The following PDZK1 variants were observed in gnomAD, a reference collection of about 807,000 sequenced individuals.
The protein encoded by PDZK1 is PDZ domain containing 1, also known as Na(+)/H(+) exchange regulatory cofactor NHE-RF3.
A neutral mutation model predicts 38.1 loss-of-function variants in PDZK1; 23 were observed. The observed-to-expected ratio is 0.60, with a 90% CI of 0.43 to 0.85. PDZK1 has a LOEUF of 0.85. PDZK1 is among the 40% of genes least tolerant of loss of function. The pLI is 0.00. For synonymous variants in PDZK1, 98 were observed against 186.2 expected (o/e 0.53, Z 3.86); for missense variants, 297 against 504.3 (o/e 0.59, Z 3.94).
intron 3 of PDZK1, among the ~76,000 whole-genome samples, chr1:145,684,012 A>G (rs1333846277): frequency 6.6e-6 from 1 of 150,818 alleles, no homozygotes; most frequent in Non-Finnish European, 1.5e-5. Flanking sequence ...GCGCCTGGCT[A>G]ATTTTTGTAT....
chr1:145,699,905 A>C (rs1559079362), intron 1 of PDZK1, among the ~76,000 whole-genome samples: 1 of 152,184 alleles, frequency 6.6e-6, no homozygotes, highest in Non-Finnish European at 1.5e-5. Flanking sequence ...AATAGGAAGC[A>C]CATGTGGATG....
chr1:145,695,403 A>G (rs1388687448), intron 1 of PDZK1, among the ~76,000 whole-genome samples: 1 of 152,016 alleles, frequency 6.6e-6, no homozygotes, highest in Non-Finnish European at 1.5e-5. Context: ...CCCGGGTGAC[A>G]GAGTGAGACA....
intron 1 of PDZK1, among the ~76,000 whole-genome samples, chr1:145,695,100 G>A (rs1655552003): frequency 6.6e-6 from 1 of 151,814 alleles, no homozygotes; most frequent in Admixed American, 6.6e-5. Context: ...ACACCAATCA[G>A]TGTGGACACC....
intron 1 of PDZK1, among the ~76,000 whole-genome samples, chr1:145,702,297 T>C (rs587683934): frequency 6.6e-6 from 1 of 152,220 alleles, no homozygotes; most frequent in Non-Finnish European, 1.5e-5. Flanking sequence ...CACAGTTTGA[T>C]TGCTTATCTA....
rs370754420 is a variant in PDZK1 at position 145,686,642 on chromosome 1, G to A, written c.295C>T (p.Arg99Trp). 9.2e-5 allele frequency: 146 copies of A among 1,594,578 alleles called. No individual in the cohort carries two copies. The highest frequency in any genetic ancestry group is 6.2e-4 in the Admixed American group (36 of 58,404). ...TGACCCAACTCTTTCAAGTCCACCC[G>A]TGTTTTCACTGCTTTCTCATAGGAA... Reference protein sequence around the residue: ...GDSYEKAVKTRVDLKELGQSQ... With the variant: ...GDSYEKAVKTWVDLKELGQSQ... Residue 99 changes from arginine (R) to tryptophan (W), a missense_variant, in exon 3 of 9, where the codon CGG becomes TGG. Physicochemically the swap from Arg to Trp is moderately radical, Grantham distance 101 (BLOSUM62 -3). This residue lies in a region of PDZK1 where 159 missense variants were observed against 200.0 expected (regional missense o/e 0.79). Coordinates refer to ENST00000417171, the MANE Select transcript of PDZK1 (RefSeq NM_001201325.2).
At chr1:145,684,680 A>G (rs1232672335) in intron 3 of PDZK1, among the ~76,000 whole-genome samples, 2 of 150,572 alleles carry the variant, frequency 1.3e-5, no homozygotes, top group African/African-American at 2.4e-5. Context: ...TCTTACAGCT[A>G]TTTTGAAATG....
At chr1:145,695,875 T>C (rs1384900208) in intron 1 of PDZK1, among the ~76,000 whole-genome samples, 16 of 152,204 alleles carry the variant, frequency 1.1e-4, no homozygotes, top group African/African-American at 3.4e-4. Context: ...GTCTTCAGCC[T>C]TGTTCCCTCA....
At chr1:145,692,455 A>T (rs1407612662) in intron 1 of PDZK1, among the ~76,000 whole-genome samples, 1 of 152,192 alleles carries the variant, frequency 6.6e-6, no homozygotes, top group Non-Finnish European at 1.5e-5. Context: ...TCACGCCTGT[A>T]ATCCCAGCAC....
chr1:145,675,818 A>G (rs1189321766), intron 6 of PDZK1, among the ~76,000 whole-genome samples: 24 of 151,522 alleles, frequency 1.6e-4, no homozygotes, highest in African/African-American at 5.6e-4. Flanking sequence ...GGAGTTCGAG[A>G]CCAGCCTGGC....
At chr1:145,686,432 C>G in intron 3 of PDZK1, 45 bp downstream of exon 3, 1 of 1,520,512 alleles carries the variant, frequency 6.6e-7, no homozygotes, top group Non-Finnish European at 8.8e-7. Context: ...AGCCTGTTGT[C>G]TGTGCCCTGC....
chr1:145,688,492 G>A (rs1366845881), intron 1 of PDZK1, among the ~76,000 whole-genome samples: 7 of 152,106 alleles, frequency 4.6e-5, no homozygotes, highest in Non-Finnish European at 7.4e-5. Flanking sequence ...ATAACCACAC[G>A]TGGTGAGTGT....
At chr1:145,671,529 A>G in intron 8 of PDZK1, 40 bp from the exon 9 acceptor site, 1 of 1,284,220 alleles carries the variant, frequency 7.8e-7, no homozygotes, top group Non-Finnish European at 1.1e-6. Context: ...ATGGTAGAGT[A>G]ATGAAAGAGG....
chr1:145,692,907 G>A (rs587764774), intron 1 of PDZK1, among the ~76,000 whole-genome samples: 7 of 151,856 alleles, frequency 4.6e-5, no homozygotes, highest in East Asian at 1.9e-4. Flanking sequence ...GTGTGGTGGC[G>A]GCGTGAGGCA....
intron 8 of PDZK1, chr1:145,671,711 G>C (rs2799117): frequency 1.1e-5 from 6 of 540,838 alleles, no homozygotes; most frequent in African/African-American, 7.8e-5. Flanking sequence ...CAGATGATCT[G>C]GGTATGACTA....
intron 5 of PDZK1, among the ~76,000 whole-genome samples, chr1:145,680,665 G>T (rs587641678): frequency 7.1e-5 from 3 of 42,180 alleles, no homozygotes; most frequent in African/African-American, 2.7e-4. Context: ...CCCCACCCCC[G>T]CCCCAGAGAG....
chr1:145,706,451 G>T (rs1327163249), intron 1 of PDZK1, among the ~76,000 whole-genome samples: 1 of 152,138 alleles, frequency 6.6e-6, no homozygotes, highest in Admixed American at 6.5e-5. Context: ...TTGCCTTCTA[G>T]ATACAAGACT....
chr1:145,683,842 A>C (rs1208788585), intron 3 of PDZK1, among the ~76,000 whole-genome samples: 5 of 147,736 alleles, frequency 3.4e-5, no homozygotes, highest in African/African-American at 1.2e-4. Context: ...AGCACTTTAC[A>C]GCCTTTTTTT....
rs587670944 is a variant in PDZK1 at position 145,697,628 on chromosome 1, C to T, written c.-2-9605G>A. Among the ~76,000 whole-genome samples the T allele has an allele frequency of 1.6e-4, 24 of 152,086 alleles. No homozygotes were observed. In the East Asian group the frequency reaches 2.7e-3, roughly 17 times the overall value. ...GATATTTTATTTTTTGAGACAGTCT[C>T]GCTCTGTCACCCAGGCTGGAGTGCA... On this transcript the variant is annotated intron_variant, in intron 1 of 8. Transcript: ENST00000417171.
At chr1:145,698,199 G>A (rs957015207) in intron 1 of PDZK1, among the ~76,000 whole-genome samples, 3 of 152,186 alleles carry the variant, frequency 2.0e-5, no homozygotes, top group East Asian at 3.9e-4. Flanking sequence ...GTAAATCAGC[G>A]AAGGTGGCCG....
Sources: gnomAD v4.1 joint callset for allele counts (sites outside exome capture counted in the v4.1 genomes callset) on GRCh38, gnomAD v4.1.1 for gene constraint, gnomAD v4.1.1 regional missense constraint, MANE v1.5 for transcripts, NCBI Gene and HGNC (gene_info 2026-07-23, HGNC 2026-07-21) for gene names.